The following COL13A1 variants were observed in gnomAD, a reference collection of about 807,000 sequenced individuals.
COL13A1 encodes the protein collagen type XIII alpha 1 chain.
COL13A1 carries 89 observed loss-of-function variants against 130.9 expected under a neutral mutation model. The ratio of observed to expected loss-of-function variants is 0.68; its 90% CI spans 0.57 to 0.81. The LOEUF (loss-of-function observed/expected upper bound fraction) is 0.81. Among genes scored for constraint, COL13A1 ranks in the 30% least tolerant of loss-of-function variants. COL13A1 has a pLI of 0.00. For synonymous variants in COL13A1, 402 were observed against 341.6 expected (o/e 1.18, Z -1.95); for missense variants, 879 against 934.6 (o/e 0.94, Z 0.78).
At chr10:69,924,814 TG>T in intron 24 of COL13A1, 148 bp from the exon 25 acceptor site, 1 of 688,686 alleles carries the variant, frequency 1.5e-6, no homozygotes, top group Non-Finnish European at 2.2e-6. Flanking sequence ...GGGTGTTCCC[TG>T]GATGTTTCCT....
chr10:69,847,056 A>T (rs1853346345), intron 2 of COL13A1, among the ~76,000 whole-genome samples: 1 of 152,172 alleles, frequency 6.6e-6, no homozygotes, highest in Non-Finnish European at 1.5e-5. Flanking sequence ...CTGCTTCTTC[A>T]TCTTCTCTAT....
intron 7 of COL13A1, among the ~76,000 whole-genome samples, chr10:69,884,687 T>G (rs539496041): frequency 1.3e-5 from 2 of 152,384 alleles, no homozygotes; most frequent in East Asian, 3.9e-4. Flanking sequence ...GATGTAATAT[T>G]AATCCATGAA....
intron 34 of COL13A1, among the ~76,000 whole-genome samples, chr10:69,940,479 C>T (rs1205609284): frequency 6.6e-6 from 1 of 152,214 alleles, no homozygotes; most frequent in Non-Finnish European, 1.5e-5. Context: ...TGGGTGCTGT[C>T]ACCCAGGGCT....
chr10:69,914,814 A>G (rs1483720515), intron 17 of COL13A1, among the ~76,000 whole-genome samples: 1 of 152,192 alleles, frequency 6.6e-6, no homozygotes, highest in Admixed American at 6.5e-5. Context: ...CAGACTTCAG[A>G]TGAGGTACTG....
rs569720845 is a variant in COL13A1, at chr10:69,944,261, T to C, written c.1968+83T>C. 29 of 1,169,878 alleles carry C rather than the reference T, an allele frequency of 2.5e-5. 1 individual carries two copies. The South Asian group carries it at 3.3e-4, about 13-fold the overall frequency. The allele number at this position is 1,169,878 out of a possible 1,614,324, so 72.5% of individuals were successfully genotyped here. A position where few individuals can be genotyped will look rare whatever the true frequency, so the allele number is the denominator to read the frequency against. On this transcript the variant is annotated intron_variant, in intron 36 of 40. Coordinates refer to ENST00000645393, the MANE Select transcript of COL13A1 (RefSeq NM_001368882.1). Reference sequence around the variant, plus strand: ...CCAACACCAGGGGTCTCAGCCCTCATGCCTTCCTTCTTCCATCTCTTCTCC... The same window carrying C: ...CCAACACCAGGGGTCTCAGCCCTCACGCCTTCCTTCTTCCATCTCTTCTCC...
At chr10:69,945,838 C>A in intron 37 of COL13A1, 114 bp downstream of exon 37, 2 of 1,301,968 alleles carry the variant, frequency 1.5e-6, no homozygotes, top group African/African-American at 1.5e-5. Flanking sequence ...TTTGGGAGGC[C>A]GAGGCGGGCG....
intron 2 of COL13A1, among the ~76,000 whole-genome samples, chr10:69,852,938 T>C (rs1479786670): frequency 6.6e-6 from 1 of 152,144 alleles, no homozygotes; most frequent in Non-Finnish European, 1.5e-5. Flanking sequence ...CCAGACTTTT[T>C]GTCTGCAGAG....
At chr10:69,923,704 G>A in intron 23 of COL13A1, 98 bp from the exon 24 acceptor site, 1 of 1,466,982 alleles carries the variant, frequency 6.8e-7, no homozygotes, top group Non-Finnish European at 9.3e-7. Flanking sequence ...GAAGTCCAAG[G>A]CAACATCTAG....
At chr10:69,940,335 C>T (rs552953789) in intron 34 of COL13A1, among the ~76,000 whole-genome samples, 13 of 152,298 alleles carry the variant, frequency 8.5e-5, no homozygotes, top group African/African-American at 2.6e-4. Context: ...ATGAATGGAT[C>T]GAGTTTAGGT....
At chr10:69,808,588 C>T (rs1003608408) in intron 1 of COL13A1, among the ~76,000 whole-genome samples, 2 of 152,216 alleles carry the variant, frequency 1.3e-5, no homozygotes. Context: ...CGCTCCCGTC[C>T]ATTAGAGTCA....
intron 1 of COL13A1, among the ~76,000 whole-genome samples, chr10:69,809,099 C>T (rs1017907353): frequency 7.2e-5 from 11 of 152,142 alleles, no homozygotes; most frequent in African/African-American, 2.2e-4. Flanking sequence ...TTTACAGAGT[C>T]GGGGGGTGGC....
At chr10:69,876,453 G>T (rs941007536) in intron 5 of COL13A1, among the ~76,000 whole-genome samples, 3 of 152,216 alleles carry the variant, frequency 2.0e-5, no homozygotes, top group African/African-American at 7.2e-5. Context: ...ATGTCACAGA[G>T]CTTTGCTCTC....
At chr10:69,809,930 C>T (rs1842516071) in intron 1 of COL13A1, among the ~76,000 whole-genome samples, 1 of 152,190 alleles carries the variant, frequency 6.6e-6, no homozygotes, top group African/African-American at 2.4e-5. Flanking sequence ...GGAAGCATAG[C>T]AGCAAATCTA....
chr10:69,959,032 A>T lies in COL13A1; in HGVS notation c.*331A>T, dbSNP rs190480477. On this transcript the variant is annotated 3_prime_UTR_variant, in exon 41 of 41. Coordinates refer to ENST00000645393, the MANE Select transcript of COL13A1 (RefSeq NM_001368882.1). ...CCAGAACTGAGGTGCTGGCTAGCTC[A>T]TGTGTGAATTCACATAAATGTAGAG... 237 of 302,090 alleles carry T rather than the reference A, an allele frequency of 7.8e-4. No homozygotes were observed. The highest frequency in any genetic ancestry group is 4.7e-3 in the African/African-American group (214 of 45,926). The allele number at this position is 302,090 out of a possible 1,614,324, so 18.7% of individuals were successfully genotyped here.
intron 2 of COL13A1, among the ~76,000 whole-genome samples, chr10:69,848,456 G>C (rs931671588): frequency 6.6e-6 from 1 of 152,126 alleles, no homozygotes; most frequent in African/African-American, 2.4e-5. Flanking sequence ...AAAGAAACTT[G>C]CCTGGGGCTC....
At position 69,917,228 on chromosome 10, in the gene COL13A1, T is replaced by C. The variant is rs894422563; in HGVS notation, c.922-61T>C. On this transcript the variant is annotated intron_variant, in intron 17 of 40. Transcript: ENST00000645393. ...AGACAAGACATTCTCACCGACATCC[T>C]TGCAGGCTGACAGGCCCCGAGTCTG... is the stretch of plus-strand genomic sequence containing the variant. The C allele has an allele frequency of 3.7e-6, 6 of 1,602,742 alleles. No individual in the cohort carries two copies. The East Asian group carries it at 6.7e-5, about 18-fold the overall frequency.
Position 69,872,167 on chromosome 10 carries a change from G to A in COL13A1, c.373-17G>A, listed in dbSNP as rs374525881. ...CGATACCTGCCTGACCTACGTAAAC[G>A]TCACTCTTCATTTCAGGGTCCCACT... On this transcript the variant is annotated splice_polypyrimidine_tract_variant and intron_variant, in intron 3 of 40. Transcript: ENST00000645393. The A allele has an allele frequency of 7.4e-6, 12 of 1,613,898 alleles. No homozygotes were observed. The highest frequency in any genetic ancestry group is 2.7e-5 in the African/African-American group (2 of 74,936).
At chr10:69,864,043 T>C (rs1020271728) in intron 2 of COL13A1, among the ~76,000 whole-genome samples, 5 of 152,148 alleles carry the variant, frequency 3.3e-5, no homozygotes, top group African/African-American at 1.2e-4. Context: ...TACTCCAGCC[T>C]GGGCAACGGA....
chr10:69,921,103 G>A (rs1406581627), intron 21 of COL13A1, among the ~76,000 whole-genome samples: 1 of 152,174 alleles, frequency 6.6e-6, no homozygotes, highest in Non-Finnish European at 1.5e-5. Context: ...TCTGGAAGCT[G>A]GAAGTCCAAA....
Sources: allele counts gnomAD v4.1 joint callset (sites outside exome capture counted in the v4.1 genomes callset), GRCh38; gene constraint gnomAD v4.1.1; transcripts MANE v1.5; gene names NCBI Gene and HGNC (gene_info 2026-07-23, HGNC 2026-07-21).